NAALADL2: variants seen among roughly 807,000 people sequenced by gnomAD.
NAALADL2 encodes the protein inactive N-acetylated-alpha-linked acidic dipeptidase-like protein 2.
NAALADL2 carries 76 observed loss-of-function variants against 87.2 expected under a neutral mutation model. The ratio of observed to expected loss-of-function variants is 0.87; its 90% CI spans 0.72 to 1.05. NAALADL2 has a LOEUF of 1.05. Ranked by LOEUF, NAALADL2 falls within the 50% of genes least tolerant of loss-of-function variation. The probability of loss-of-function intolerance (pLI) is 0.00; values close to 1 mark genes in which losing one functional copy is unlikely to be tolerated. For missense variants in NAALADL2, 1,089 were observed against 945.8 expected (o/e 1.15, Z -1.99); for synonymous variants, 354 against 331.0 (o/e 1.07, Z -0.75).
At chr3:175,486,939 T>C (rs1364800995) in intron 9 of NAALADL2, among the ~76,000 whole-genome samples, 2 of 152,078 alleles carry the variant, frequency 1.3e-5, no homozygotes, top group Non-Finnish European at 2.9e-5. Flanking sequence ...TCTTATCCCA[T>C]CTAAGATGAT....
At chr3:175,743,481 GAGA>G (rs1389802905) in intron 12 of NAALADL2, among the ~76,000 whole-genome samples, 1 of 152,218 alleles carries the variant, frequency 6.6e-6, no homozygotes, top group African/African-American at 2.4e-5. Context: ...CCTTTTCTGA[GAGA>G]AGGACAATGA....
chr3:175,427,923 A>C (rs1354912662), intron 5 of NAALADL2, among the ~76,000 whole-genome samples: 1 of 152,134 alleles, frequency 6.6e-6, no homozygotes, highest in African/African-American at 2.4e-5. Flanking sequence ...GTTGACATAT[A>C]ATGCCTGTTT....
chr3:175,770,915 A>G (rs2150177992), intron 13 of NAALADL2, among the ~76,000 whole-genome samples: 1 of 152,308 alleles, frequency 6.6e-6, no homozygotes, highest in East Asian at 1.9e-4. Context: ...TTTCTTAACC[A>G]TGAAATTAAA....
chr3:175,781,300 A>G (rs1213692974), intron 13 of NAALADL2, among the ~76,000 whole-genome samples: 1 of 152,078 alleles, frequency 6.6e-6, no homozygotes, highest in African/African-American at 2.4e-5. Flanking sequence ...CTGAATAATG[A>G]TGTTTCAGTC....
At chr3:175,228,092 A>G (rs972411437) in intron 2 of NAALADL2, among the ~76,000 whole-genome samples, 1 of 151,852 alleles carries the variant, frequency 6.6e-6, no homozygotes, top group African/African-American at 2.4e-5. Flanking sequence ...TGCATTTTTT[A>G]TTGATATACT....
At chr3:174,778,005 G>C (rs116668329) in intron 3 of NAALADL2, among the ~76,000 whole-genome samples, 2,893 of 152,174 alleles carry the variant, frequency 0.019, 102 homozygotes, top group African/African-American at 0.065. Context: ...TATAGTACTA[G>C]CATTCCAATG....
chr3:175,710,673 T>C (rs1740408838), intron 11 of NAALADL2, among the ~76,000 whole-genome samples: 2 of 151,646 alleles, frequency 1.3e-5, no homozygotes, highest in Admixed American at 6.6e-5. Flanking sequence ...TATATGTCTA[T>C]ATTTTGAGAT....
At chr3:175,694,377 A>T (rs766129212) in intron 11 of NAALADL2, among the ~76,000 whole-genome samples, 15 of 152,196 alleles carry the variant, frequency 9.9e-5, no homozygotes, top group Admixed American at 3.3e-4. Context: ...TAACAATGAA[A>T]GCATGTCTAA....
At chr3:174,882,697 A>G (rs1729485243) in intron 1 of NAALADL2, among the ~76,000 whole-genome samples, 1 of 148,444 alleles carries the variant, frequency 6.7e-6, no homozygotes, top group Non-Finnish European at 1.5e-5. Flanking sequence ...ATCCGTGTAT[A>G]TACATGTGTA....
intron 2 of NAALADL2, among the ~76,000 whole-genome samples, chr3:174,659,344 A>G (rs894648162): frequency 6.6e-6 from 1 of 152,206 alleles, no homozygotes; most frequent in African/African-American, 2.4e-5. Context: ...TTCTGTATGA[A>G]TATATTAGAA....
intron 9 of NAALADL2, among the ~76,000 whole-genome samples, chr3:175,541,445 C>T (rs1712318337): frequency 6.6e-6 from 1 of 152,176 alleles, no homozygotes; most frequent in African/African-American, 2.4e-5. Flanking sequence ...AAGCATCTAA[C>T]ACAAAGCCGA....
chr3:174,444,249 A>G (rs1714879295), intron 1 of NAALADL2, among the ~76,000 whole-genome samples: 3 of 152,150 alleles, frequency 2.0e-5, no homozygotes, highest in Admixed American at 6.5e-5. Context: ...TTTACCTAGA[A>G]CAAATGAGAG....
intron 3 of NAALADL2, chr3:175,234,772 A>G (rs1189053585): frequency 1.3e-5 from 2 of 152,066 alleles, no homozygotes; most frequent in Non-Finnish European, 2.9e-5. Context: ...TTCTAGAGCC[A>G]CATGGACTAG....
intron 13 of NAALADL2, among the ~76,000 whole-genome samples, chr3:175,771,921 C>A (rs553060813): frequency 6.6e-6 from 1 of 152,096 alleles, no homozygotes; most frequent in East Asian, 1.9e-4. Flanking sequence ...GGGAAAAGGC[C>A]CTTATAGAAC....
chr3:175,625,692 C>T (rs890664911), intron 10 of NAALADL2, among the ~76,000 whole-genome samples: 9 of 151,780 alleles, frequency 5.9e-5, no homozygotes, highest in African/African-American at 1.5e-4. Flanking sequence ...GCCGTAGCCT[C>T]AAATAAACCT....
chr3:175,506,107 C>T (rs1057084746), intron 9 of NAALADL2, among the ~76,000 whole-genome samples: 7 of 152,068 alleles, frequency 4.6e-5, no homozygotes, highest in South Asian at 2.1e-4. Context: ...AAATTATGAG[C>T]GGTAGCACTT....
intron 4 of NAALADL2, among the ~76,000 whole-genome samples, chr3:175,274,516 A>G (rs565436756): frequency 1.3e-5 from 2 of 152,258 alleles, no homozygotes; most frequent in East Asian, 3.9e-4. Flanking sequence ...GCACTTCTTT[A>G]TTTTGTTTTA....
At chr3:174,744,805 A>T (rs1734094544) in intron 3 of NAALADL2, among the ~76,000 whole-genome samples, 1 of 152,114 alleles carries the variant, frequency 6.6e-6, no homozygotes, top group Admixed American at 6.6e-5. Flanking sequence ...ACTCAAAACC[A>T]GACAACTATA....
intron 1 of NAALADL2, among the ~76,000 whole-genome samples, chr3:175,055,253 C>T (rs962769369): frequency 6.6e-5 from 10 of 152,270 alleles, no homozygotes; most frequent in African/African-American, 2.4e-4. Flanking sequence ...AGGAGCTGTG[C>T]TATACGCTCT....
Sources: gnomAD v4.1 joint callset for allele counts (sites outside exome capture counted in the v4.1 genomes callset) on GRCh38, gnomAD v4.1.1 for gene constraint, MANE v1.5 for transcripts, NCBI Gene and HGNC (gene_info 2026-07-23, HGNC 2026-07-21) for gene names.